RSRC1: variants seen among roughly 807,000 people sequenced by gnomAD.
RSRC1 encodes arginine and serine rich coiled-coil 1, also known as serine/Arginine-related protein 53.
A neutral mutation model predicts 49.1 loss-of-function variants in RSRC1; 39 were observed. The ratio of observed to expected loss-of-function variants is 0.79; its 90% CI spans 0.61 to 1.04. RSRC1 has a LOEUF of 1.04. RSRC1 is among the 50% of genes least tolerant of loss of function. RSRC1 has a pLI of 0.00. For synonymous variants in RSRC1, 143 were observed against 130.8 expected, an observed-to-expected ratio of 1.09 and a Z score of -0.63; for missense variants, 388 against 402.4, an observed-to-expected ratio of 0.96 and a Z score of 0.31.
At chr3:158,358,748 G>A (rs1051817985) in intron 6 of RSRC1, among the ~76,000 whole-genome samples, 2 of 151,984 alleles carry the variant, frequency 1.3e-5, no homozygotes, top group African/African-American at 2.4e-5. Flanking sequence ...CCTACTAGCA[G>A]TTTCTCCCCA....
intron 6 of RSRC1, among the ~76,000 whole-genome samples, chr3:158,413,645 G>A (rs1366432607): frequency 4.0e-5 from 6 of 149,156 alleles, no homozygotes; most frequent in African/African-American, 7.4e-5. Flanking sequence ...AATTACAAGA[G>A]AAAAAAAAAG....
chr3:158,299,639 CTT>C (rs1727425883), intron 5 of RSRC1, among the ~76,000 whole-genome samples: 3 of 151,912 alleles, frequency 2.0e-5, no homozygotes, highest in South Asian at 2.1e-4. Context: ...CCTGAGGTGT[CTT>C]TTATACTTTT....
chr3:158,417,474 C>G (rs1241245686), intron 6 of RSRC1, among the ~76,000 whole-genome samples: 1 of 151,790 alleles, frequency 6.6e-6, no homozygotes, highest in Non-Finnish European at 1.5e-5. Context: ...TGAGATTTCT[C>G]TAAGGAGGCA....
chr3:158,376,163 C>G (rs1388748412), intron 6 of RSRC1, among the ~76,000 whole-genome samples: 9 of 129,796 alleles, frequency 6.9e-5, no homozygotes, highest in Middle Eastern at 3.9e-3. Flanking sequence ...CTCCCTCCCT[C>G]CCTCCCTTCC....
At chr3:158,115,992 T>A (rs943310238) in intron 1 of RSRC1, among the ~76,000 whole-genome samples, 2 of 152,236 alleles carry the variant, frequency 1.3e-5, no homozygotes, top group Non-Finnish European at 2.9e-5. Flanking sequence ...CCACGCATGG[T>A]TTTGTGACAT....
chr3:158,304,782 C>T (rs1406470367), intron 5 of RSRC1, among the ~76,000 whole-genome samples: 1 of 152,124 alleles, frequency 6.6e-6, no homozygotes, highest in African/African-American at 2.4e-5. Context: ...CAGACACTTT[C>T]CTCAAACTGT....
At chr3:158,524,414 G>A (rs1240870959) in intron 7 of RSRC1, among the ~76,000 whole-genome samples, 1 of 151,870 alleles carries the variant, frequency 6.6e-6, no homozygotes, top group African/African-American at 2.4e-5. Flanking sequence ...TTTCTTTGGG[G>A]CATTGTCCAC....
chr3:158,446,889 C>T (rs78397856), intron 6 of RSRC1, among the ~76,000 whole-genome samples: 2,452 of 152,082 alleles, frequency 0.016, 52 homozygotes, highest in African/African-American at 0.056. Flanking sequence ...CTAGTTTTTA[C>T]AGATCTAGGG....
At chr3:158,459,475 G>T (rs1033064641) in intron 6 of RSRC1, among the ~76,000 whole-genome samples, 2 of 152,048 alleles carry the variant, frequency 1.3e-5, no homozygotes, top group East Asian at 3.9e-4. Context: ...ATTGAAGATG[G>T]TTGTAAGGAG....
At chr3:158,498,685 G>A (rs558551089) in intron 7 of RSRC1, among the ~76,000 whole-genome samples, 1 of 152,256 alleles carries the variant, frequency 6.6e-6, no homozygotes, top group Non-Finnish European at 1.5e-5. Flanking sequence ...TTATCTTCTA[G>A]AATTTTTATA....
chr3:158,483,873 C>T lies in RSRC1; in HGVS notation c.652+22870C>T, dbSNP rs575153526. On this transcript the variant is annotated intron_variant, in intron 7 of 9. Coordinates refer to ENST00000611884, the MANE Select transcript of RSRC1 (RefSeq NM_001271838.2). ...GTAAGCAGTGAAACATTTTTATATACTCTTGGGAAATAAATTTGGCAGAAA... is the reference window on the plus strand; with the variant it reads ...GTAAGCAGTGAAACATTTTTATATATTCTTGGGAAATAAATTTGGCAGAAA... Among the ~76,000 whole-genome samples the T allele has an allele frequency of 2.0e-5, 3 of 152,006 alleles. No homozygotes were observed. In the East Asian group the frequency reaches 5.8e-4, roughly 29 times the overall value.
intron 6 of RSRC1, among the ~76,000 whole-genome samples, chr3:158,360,671 G>A (rs939065388): frequency 6.6e-6 from 1 of 152,232 alleles, no homozygotes; most frequent in Non-Finnish European, 1.5e-5. Context: ...CACATACCTG[G>A]CGGGGCTGTG....
At chr3:158,218,333 T>C (rs959499892) in intron 4 of RSRC1, among the ~76,000 whole-genome samples, 13 of 151,600 alleles carry the variant, frequency 8.6e-5, no homozygotes, top group African/African-American at 2.9e-4. Flanking sequence ...AGAGATGTAA[T>C]AGTAGCTTGG....
intron 7 of RSRC1, among the ~76,000 whole-genome samples, chr3:158,464,966 A>G (rs546342453): frequency 1.7e-4 from 26 of 152,224 alleles, no homozygotes; most frequent in South Asian, 4.1e-4. Context: ...ATCAGTGCTC[A>G]AAAATAATAT....
intron 5 of RSRC1, among the ~76,000 whole-genome samples, chr3:158,304,230 G>A (rs1727722789): frequency 6.6e-6 from 1 of 152,162 alleles, no homozygotes; most frequent in Non-Finnish European, 1.5e-5. Flanking sequence ...TGCCAGAAAT[G>A]TAGGCAGGCC....
intron 5 of RSRC1, among the ~76,000 whole-genome samples, chr3:158,329,197 T>C (rs1382400209): frequency 1.3e-5 from 2 of 152,242 alleles, no homozygotes; most frequent in Non-Finnish European, 2.9e-5. Flanking sequence ...CTCCTTTAGC[T>C]CTGAGAAGTT....
intron 5 of RSRC1, among the ~76,000 whole-genome samples, chr3:158,327,089 A>T (rs2108184003): frequency 6.6e-6 from 1 of 151,016 alleles, no homozygotes; most frequent in Admixed American, 6.6e-5. Context: ...CAGTAATGGG[A>T]TATATCATTT....
In RSRC1 at chr3:158,467,153, C is replaced by T. The variant is rs529787112; in HGVS notation, c.652+6150C>T. 2.0e-5 allele frequency among the ~76,000 whole-genome samples: 3 copies of T among 152,320 alleles called. No individual in the cohort carries two copies. The East Asian group carries it at 5.8e-4, about 29-fold the overall frequency. On this transcript the variant is annotated intron_variant, in intron 7 of 9. Coordinates refer to ENST00000611884, the MANE Select transcript of RSRC1 (RefSeq NM_001271838.2). ...GTATGACGATTATTCTTTTATCTTT[C>T]ATCCCTTTAGTGACTTTTATCAACT...
At chr3:158,274,073 C>T (rs944137473) in intron 4 of RSRC1, among the ~76,000 whole-genome samples, 2 of 151,974 alleles carry the variant, frequency 1.3e-5, no homozygotes, top group Non-Finnish European at 2.9e-5. Flanking sequence ...AAACCGAAGC[C>T]ATTTGGCATT....
Sources: gnomAD v4.1 joint callset for allele counts (sites outside exome capture counted in the v4.1 genomes callset) on GRCh38, gnomAD v4.1.1 for gene constraint, MANE v1.5 for transcripts, NCBI Gene and HGNC (gene_info 2026-07-23, HGNC 2026-07-21) for gene names.